The following RNASET2 variants were observed in gnomAD, a reference collection of about 807,000 sequenced individuals.
RNASET2 encodes ribonuclease T2.
A neutral mutation model predicts 33.9 loss-of-function variants in RNASET2; 28 were observed. The ratio of observed to expected loss-of-function variants is 0.83; its 90% CI spans 0.61 to 1.13. RNASET2 has a LOEUF of 1.13. Ranked by LOEUF, RNASET2 falls within the 50% of genes most tolerant of loss-of-function variation. The pLI, the probability that RNASET2 is intolerant of heterozygous loss-of-function variation, is 0.00. For synonymous variants in RNASET2, 123 were observed against 121.0 expected (o/e 1.02, Z -0.11); for missense variants, 330 against 319.9 (o/e 1.03, Z -0.24).
chr6:166,932,511 T>A (rs1583215642), intron 7 of RNASET2: 1 of 152,240 alleles, frequency 6.6e-6, no homozygotes, highest in Non-Finnish European at 1.5e-5. Flanking sequence ...CAGGCCTCCA[T>A]CTCAGCAACG....
chr6:166,944,214 C>A (rs1778770951), intron 4 of RNASET2, among the ~76,000 whole-genome samples: 1 of 151,974 alleles, frequency 6.6e-6, no homozygotes. Context: ...AGCTGGGCAG[C>A]CTGGGCACCA....
At position 166,927,806 on chromosome 6, in the gene RNASET2, C is replaced by T. The variant is rs1778331161; in HGVS notation, c.*1782G>A. On this transcript the variant is annotated 3_prime_UTR_variant, in exon 9 of 9. Coordinates refer to ENST00000508775, the MANE Select transcript of RNASET2 (RefSeq NM_003730.6). The stretch of plus-strand genomic sequence containing the variant: ...CTAAAGTACACCCACTCCCTGAGGA[C>T]GCAGAGCAAATGCAGGAAATCACGC... 6.6e-6 allele frequency among the ~76,000 whole-genome samples: 1 copy of T among 151,416 alleles called. No homozygotes were observed. The highest frequency in any genetic ancestry group is 2.4e-5 in the African/African-American group (1 of 41,116).
At chr6:166,955,193 A>ACACACGCACG (rs1554269961) in intron 1 of RNASET2, among the ~76,000 whole-genome samples, 2 of 117,750 alleles carry the variant, frequency 1.7e-5, no homozygotes, top group Non-Finnish European at 3.8e-5. Context: ...ACACACGCAC[A>ACACACGCACG]CACGCACGCA....
chr6:166,934,935 G>T (rs1778530666), intron 6 of RNASET2: 1 of 152,150 alleles, frequency 6.6e-6, no homozygotes, highest in Non-Finnish European at 1.5e-5. Context: ...AAAGTATAAA[G>T]GTACACTGTA....
chr6:166,952,542 G>A lies in RNASET2; in HGVS notation c.93C>T (p.Asn31=), dbSNP rs768898749. Residue 31 remains asparagine (N), a synonymous_variant, in exon 2 of 9, where the codon AAC becomes AAT. Coordinates refer to ENST00000508775, the MANE Select transcript of RNASET2 (RefSeq NM_003730.6). ...LGGADKRLRD[N]HEWKKLIMVQ... ...CCATAATTAGTTTTTTCCACTCATGGTTGTCACTGTTAAAACATAAGAAAC... is the reference window on the plus strand; with the variant it reads ...CCATAATTAGTTTTTTCCACTCATGATTGTCACTGTTAAAACATAAGAAAC... 3 of 1,612,134 alleles carry A rather than the reference G, an allele frequency of 1.9e-6. No homozygotes were observed. Among genetic ancestry groups the A allele is most frequent in the South Asian group, 1.1e-5 (1 of 91,032 alleles).
intron 6 of RNASET2, 148 bp from the exon 7 acceptor site, chr6:166,934,284 TG>T: frequency 3.0e-6 from 2 of 673,244 alleles, no homozygotes; most frequent in South Asian, 3.3e-5. Flanking sequence ...TGTGTCAACA[TG>T]GACTGCAAAT....
At chr6:166,945,964 AAAG>A (rs1425071356) in intron 4 of RNASET2, among the ~76,000 whole-genome samples, 4 of 152,164 alleles carry the variant, frequency 2.6e-5, no homozygotes, top group Non-Finnish European at 4.4e-5. Context: ...CACACGTTTT[AAAG>A]AAGGCCTCAG....
chr6:166,946,906 G>A, intron 3 of RNASET2, 167 bp from the exon 4 acceptor site: 1 of 679,794 alleles, frequency 1.5e-6, no homozygotes, highest in Non-Finnish European at 2.7e-6. Flanking sequence ...GAAGATGCAG[G>A]TAAGAGGAGT....
At chr6:166,930,728 CAT>C (rs1778409009) in intron 8 of RNASET2, among the ~76,000 whole-genome samples, 1 of 151,138 alleles carries the variant, frequency 6.6e-6, no homozygotes, top group African/African-American at 2.4e-5. Context: ...ACACACAGCA[CAT>C]GCCCACATAA....
chr6:166,948,986 G>A (rs186847653), intron 2 of RNASET2, among the ~76,000 whole-genome samples: 372 of 152,232 alleles, frequency 2.4e-3, no homozygotes, highest in Non-Finnish European at 4.1e-3. Context: ...AGGCCAAGGC[G>A]GGTAGATCAC....
rs1471672529 is a variant in RNASET2 at position 166,928,385 on chromosome 6, G to A, written c.*1203C>T. ...GTGAGGTTTTGGTTTGAGCCAATTT[G>A]AAAATCTCTTCTTTAAATGGGCGAG... On this transcript the variant is annotated 3_prime_UTR_variant, in exon 9 of 9. Transcript: ENST00000508775. Among the ~76,000 whole-genome samples, 1 of 150,986 alleles carries A rather than the reference G, an allele frequency of 6.6e-6. No homozygotes were observed. Among genetic ancestry groups the A allele is most frequent in the Middle Eastern group, 3.3e-3 (1 of 304 alleles).
At chr6:166,955,699 C>G in intron 1 of RNASET2, 1 of 1,091,304 alleles carries the variant, frequency 9.2e-7, no homozygotes, top group Non-Finnish European at 1.1e-6. Flanking sequence ...CCTACTCCTT[C>G]CCAGGGGTCA....
At position 166,946,581 on chromosome 6, in the gene RNASET2, T is replaced by C. The variant is rs1778851280; in HGVS notation, c.261+101A>G. On this transcript the variant is annotated intron_variant, in intron 4 of 8. Transcript: ENST00000508775. ...GGCTCAATCCTGGTGAATACATTCA[T>C]GACCCCTTAATTTTAAAGATGACTT... The C allele has an allele frequency of 4.0e-6, 3 of 745,598 alleles. No homozygotes were observed. The Admixed American group carries it at 6.2e-5, about 15-fold the overall frequency. The allele number at this position is 745,598 out of a possible 1,614,324, so 46.2% of individuals were successfully genotyped here. A position where few individuals can be genotyped will look rare whatever the true frequency, so the allele number is the denominator to read the frequency against.
intron 7 of RNASET2, chr6:166,932,215 T>C (rs1778463208): frequency 6.6e-6 from 1 of 152,518 alleles, no homozygotes; most frequent in Admixed American, 6.5e-5. Context: ...TCCAGCTGCA[T>C]AGCCATAGGC....
intron 1 of RNASET2, among the ~76,000 whole-genome samples, chr6:166,954,196 C>T (rs773765646): frequency 7.3e-5 from 11 of 151,714 alleles, no homozygotes; most frequent in Non-Finnish European, 1.6e-4. Context: ...GAAAAATCAC[C>T]AAGGTCTCAA....
intron 6 of RNASET2, 48 bp from the exon 7 acceptor site, chr6:166,934,184 T>C (rs1375566630): frequency 8.2e-7 from 1 of 1,216,236 alleles, no homozygotes; most frequent in Non-Finnish European, 1.2e-6. Flanking sequence ...AGGTCCACTT[T>C]GCTTTCTTGT....
chr6:166,949,367 G>T (rs1244714146), intron 2 of RNASET2, among the ~76,000 whole-genome samples: 1 of 151,378 alleles, frequency 6.6e-6, no homozygotes, highest in Non-Finnish European at 1.5e-5. Flanking sequence ...CAGGTGTGGT[G>T]GTGGGCTCCT....
At chr6:166,946,313 C>T (rs747185946) in intron 4 of RNASET2, among the ~76,000 whole-genome samples, 2 of 152,198 alleles carry the variant, frequency 1.3e-5, no homozygotes, top group Non-Finnish European at 2.9e-5. Flanking sequence ...CGACCAGATT[C>T]CCACGTCGGT....
Position 166,922,658 on chromosome 6 carries a change from C to T in RNASET2, c.*6930G>A, listed in dbSNP as rs181117630. Reference sequence around the variant, plus strand: ...GGAGCATCTTGGTGACTGGCTGAATCTTGTACATGACTTTTGATGTATGTT... The same window carrying T: ...GGAGCATCTTGGTGACTGGCTGAATTTTGTACATGACTTTTGATGTATGTT... On this transcript the variant is annotated 3_prime_UTR_variant, in exon 9 of 9. Transcript: ENST00000508775. Among the ~76,000 whole-genome samples the T allele has an allele frequency of 7.8e-4, 119 of 152,328 alleles. 1 individual carries two copies. Among genetic ancestry groups the T allele is most frequent in the Non-Finnish European group, 1.5e-3 (101 of 68,034 alleles).
Sources: allele counts gnomAD v4.1 joint callset (sites outside exome capture counted in the v4.1 genomes callset), GRCh38; gene constraint gnomAD v4.1.1; transcripts MANE v1.5; gene names NCBI Gene and HGNC (gene_info 2026-07-23, HGNC 2026-07-21).